Variants in TRPC7 observed in about 807,000 individuals in gnomAD.
The protein encoded by TRPC7 is transient receptor potential cation channel subfamily C member 7, also known as short transient receptor potential channel 7.
Under a neutral mutation model 90.1 loss-of-function variants are expected in TRPC7, and 42 were observed. The ratio of observed to expected loss-of-function variants is 0.47; its 90% CI spans 0.36 to 0.60. TRPC7 has a LOEUF of 0.60. Ranked by LOEUF, TRPC7 falls within the 20% of genes least tolerant of loss-of-function variation. The pLI is 0.00. For missense variants in TRPC7, 955 were observed against 1,112.3 expected, an observed-to-expected ratio of 0.86 and a Z score of 2.01; for synonymous variants, 451 against 436.3, an observed-to-expected ratio of 1.03 and a Z score of -0.42.
At chr5:136,308,392 G>A (rs1223688012) in intron 3 of TRPC7, among the ~76,000 whole-genome samples, 1 of 152,192 alleles carries the variant, frequency 6.6e-6, no homozygotes, top group African/African-American at 2.4e-5. Flanking sequence ...TGCAGTTTGG[G>A]GTAGTGCCTG....
chr5:136,236,578 G>A (rs929976162), intron 7 of TRPC7, among the ~76,000 whole-genome samples: 3 of 152,168 alleles, frequency 2.0e-5, no homozygotes, highest in Admixed American at 6.5e-5. Context: ...AATAGGCCAC[G>A]ATTCACCCTT....
At position 136,213,441 on chromosome 5, in the gene TRPC7, G is replaced by A. The variant is rs763959434; in HGVS notation, c.2583C>T (p.Asp861=). 16 of 1,613,804 alleles carry A rather than the reference G, an allele frequency of 9.9e-6. No homozygotes were observed. The highest frequency in any genetic ancestry group is 1.6e-4 in the Middle Eastern group (1 of 6,074). ...CAGACGCCGATGTGGGCTGCTAAAT[G>A]TCTTTGCCCTTGTTCACCCTCAGGT... ...KDHLRVNKGK[D]I is the part of the protein sequence containing the mutation. The change falls in exon 12 of 12, where the codon GAC becomes GAT. Residue 861 remains aspartate, a synonymous_variant. Coordinates refer to ENST00000513104, the MANE Select transcript of TRPC7 (RefSeq NM_020389.3).
At position 136,220,320 on chromosome 5, in the gene TRPC7, A is replaced by G. The variant is rs186884552; in HGVS notation, c.2344-4045T>C. On this transcript the variant is annotated intron_variant, in intron 10 of 11. Coordinates refer to ENST00000513104, the MANE Select transcript of TRPC7 (RefSeq NM_020389.3). Reference sequence around the variant, plus strand: ...TCTTGCAGAGAGTCTATAAATGGACATGCAAGTAGGGAAGATATCACTGAA... The same window carrying G: ...TCTTGCAGAGAGTCTATAAATGGACGTGCAAGTAGGGAAGATATCACTGAA... Among the ~76,000 whole-genome samples the G allele has an allele frequency of 1.5e-3, 234 of 152,346 alleles. 2 individuals are homozygous for G. The highest frequency in any genetic ancestry group is 8.7e-3 in the South Asian group (42 of 4,818).
chr5:136,243,225 C>T (rs1226609128), intron 7 of TRPC7, among the ~76,000 whole-genome samples: 2 of 151,826 alleles, frequency 1.3e-5, no homozygotes, highest in Non-Finnish European at 2.9e-5. Flanking sequence ...GAGCAGAGCT[C>T]ATATGAAAAA....
Position 136,213,178 on chromosome 5 carries a change from CA to C in TRPC7, c.*256del. ...TTCACTGTGGCTGGACCAAAGGTCT[CA>C]CACTCGTCAGGGGGCTGTTCCTCCC... On this transcript the variant is annotated 3_prime_UTR_variant, in exon 12 of 12. Transcript: ENST00000513104. The C allele has an allele frequency of 2.1e-6, 1 of 476,514 alleles. No individual in the cohort carries two copies. Among genetic ancestry groups the C allele is most frequent in the South Asian group, 2.5e-5 (1 of 39,842 alleles). The allele number at this position is 476,514 out of a possible 1,614,324, so 29.5% of individuals were successfully genotyped here.
At chr5:136,242,320 C>T (rs967459502) in intron 7 of TRPC7, among the ~76,000 whole-genome samples, 3 of 152,100 alleles carry the variant, frequency 2.0e-5, no homozygotes, top group Non-Finnish European at 4.4e-5. Context: ...AATGAGTTGC[C>T]AGCAGGTGTA....
intron 2 of TRPC7, among the ~76,000 whole-genome samples, chr5:136,319,757 C>T (rs534761812): frequency 1.3e-5 from 2 of 152,304 alleles, no homozygotes; most frequent in South Asian, 2.1e-4. Context: ...ACTTCCTTCT[C>T]CTTGATACAT....
intron 4 of TRPC7, among the ~76,000 whole-genome samples, chr5:136,273,402 T>C (rs951781538): frequency 6.6e-6 from 1 of 152,226 alleles, no homozygotes; most frequent in Non-Finnish European, 1.5e-5. Context: ...TAAACTGCCA[T>C]AGAAGCAAAA....
chr5:136,302,073 C>T (rs1758415666), intron 3 of TRPC7, among the ~76,000 whole-genome samples: 1 of 152,210 alleles, frequency 6.6e-6, no homozygotes, highest in African/African-American at 2.4e-5. Context: ...TCAATCTCAC[C>T]CTTCTCTTAA....
intron 7 of TRPC7, among the ~76,000 whole-genome samples, chr5:136,244,995 G>A (rs1241752214): frequency 6.6e-6 from 1 of 152,148 alleles, no homozygotes; most frequent in Non-Finnish European, 1.5e-5. Flanking sequence ...ACTATTTATT[G>A]AAGGCTCACT....
In TRPC7 at chr5:136,251,750, A is replaced by T. The variant is rs1487195551; in HGVS notation, c.1478T>A (p.Phe493Tyr). The change falls in exon 6 of 12, where the codon TTC (phenylalanine) becomes TAC (tyrosine). Residue 493 changes from phenylalanine (F) to tyrosine (Y), a missense_variant. Physicochemically the swap from Phe to Tyr is conservative, Grantham distance 22. Coordinates refer to ENST00000513104, the MANE Select transcript of TRPC7 (RefSeq NM_020389.3). ...VASFTARFMAFLKATEAQLYV... is the reference protein window; with the variant it reads ...VASFTARFMAYLKATEAQLYV... ...CAGCTGTGCCTCCGTGGCCTTCAGG[A>T]AGGCCATGAAGCGTGCTGTGAAGGA... is the stretch of plus-strand genomic sequence containing the variant. 6.2e-7 allele frequency: 1 copy of T among 1,613,810 alleles called. No individual in the cohort carries two copies. The highest frequency in any genetic ancestry group is 2.2e-5 in the East Asian group (1 of 44,874).
intron 7 of TRPC7, among the ~76,000 whole-genome samples, chr5:136,243,306 C>T (rs1365280068): frequency 6.6e-6 from 1 of 151,718 alleles, no homozygotes; most frequent in Non-Finnish European, 1.5e-5. Flanking sequence ...CTCCAATTGC[C>T]CTTGGATGTG....
intron 3 of TRPC7, among the ~76,000 whole-genome samples, chr5:136,304,316 C>T (rs537885425): frequency 6.6e-6 from 1 of 152,272 alleles, no homozygotes; most frequent in South Asian, 2.1e-4. Context: ...TCCCACAGCA[C>T]TCTTTAAAAG....
At chr5:136,243,897 T>C (rs1338726503) in intron 7 of TRPC7, among the ~76,000 whole-genome samples, 1 of 152,118 alleles carries the variant, frequency 6.6e-6, no homozygotes, top group Non-Finnish European at 1.5e-5. Context: ...GCTTGCCGCC[T>C]CCCCACCCTT....
At chr5:136,301,723 C>A (rs1193794583) in intron 3 of TRPC7, among the ~76,000 whole-genome samples, 1 of 152,220 alleles carries the variant, frequency 6.6e-6, no homozygotes, top group Admixed American at 6.5e-5. Flanking sequence ...TAATCCACCA[C>A]CCTTCACTGA....
At chr5:136,353,748 C>T (rs2673931) in intron 2 of TRPC7, among the ~76,000 whole-genome samples, 101,079 of 152,090 alleles carry the variant, frequency 0.66, 33,741 homozygotes, top group Admixed American at 0.72. Context: ...TGGATGTTAA[C>T]AGCAAGCAAA....
At chr5:136,310,014 A>C (rs62385833) in intron 3 of TRPC7, among the ~76,000 whole-genome samples, 2 of 151,860 alleles carry the variant, frequency 1.3e-5, no homozygotes, top group Non-Finnish European at 2.9e-5. Flanking sequence ...AAATAATAAA[A>C]AGATTAAAAT....
rs765755055 is a variant in TRPC7, at chr5:136,315,641, T to A, written c.919A>T (p.Ser307Cys). Residue 307 changes from serine to cysteine, a missense_variant, in exon 3 of 12, where the codon AGT becomes TGT. Physicochemically the swap from Ser to Cys is moderately radical, Grantham distance 112 (BLOSUM62 -1). Transcript: ENST00000513104. The part of the protein sequence containing the change: ...FQVWSDHHRP[S>C]LSRIKLAIKY... ...ATGGCGAGTTTGATCCGGCTCAGAC[T>A]TGGACGGTGGTGGTCGGACCAGACT... 48 of 1,613,786 alleles carry A rather than the reference T, an allele frequency of 3.0e-5. No homozygotes were observed. The Admixed American group carries it at 5.0e-4, about 17-fold the overall frequency.
At position 136,365,409 on chromosome 5, in the gene TRPC7, T is replaced by A. The variant is rs765921705; in HGVS notation, c.-155A>T. The stretch of plus-strand genomic sequence containing the variant: ...GGTCAAGTGAGTTAAGTTGCAACGA[T>A]GTGAAAGCGCGCTCCTCTGTTCTTT... On this transcript the variant is annotated 5_prime_UTR_variant, in exon 1 of 12. Coordinates refer to ENST00000513104, the MANE Select transcript of TRPC7 (RefSeq NM_020389.3). The A allele has an allele frequency of 4.0e-4, 303 of 748,950 alleles. 1 individual carries two copies. The highest frequency in any genetic ancestry group is 6.0e-4 in the Non-Finnish European group (270 of 447,898). The allele number at this position is 748,950 out of a possible 1,614,324, so 46.4% of individuals were successfully genotyped here. A position where few individuals can be genotyped will look rare whatever the true frequency, so the allele number is the denominator to read the frequency against.
Sources: gnomAD v4.1 joint callset for allele counts (sites outside exome capture counted in the v4.1 genomes callset) on GRCh38, gnomAD v4.1.1 for gene constraint, MANE v1.5 for transcripts, NCBI Gene and HGNC (gene_info 2026-07-23, HGNC 2026-07-21) for gene names.